Variants in MPDZ observed in about 807,000 individuals in gnomAD.
MPDZ encodes multiple PDZ domain protein.
A neutral mutation model predicts 239.1 loss-of-function variants in MPDZ; 234 were observed. The observed-to-expected ratio is 0.98, with a 90% CI of 0.88 to 1.09. The LOEUF (loss-of-function observed/expected upper bound fraction) is 1.09. MPDZ is among the 50% of genes least tolerant of loss of function. MPDZ has a pLI of 0.00. For missense variants in MPDZ, 3,175 were observed against 2,510.0 expected (o/e 1.26, Z -5.66); for synonymous variants, 1,048 against 881.3 (o/e 1.19, Z -3.35).
chr9:13,246,437 G>A (rs1966612203), intron 3 of MPDZ, among the ~76,000 whole-genome samples: 1 of 152,120 alleles, frequency 6.6e-6, no homozygotes, highest in Non-Finnish European at 1.5e-5. Flanking sequence ...ATGAGACTCT[G>A]TCTCAAAAAA....
intron 12 of MPDZ, among the ~76,000 whole-genome samples, chr9:13,201,285 T>C (rs1956356225): frequency 6.6e-6 from 1 of 152,102 alleles, no homozygotes; most frequent in African/African-American, 2.4e-5. Flanking sequence ...ATTACTTCGC[T>C]AGAAAGCAAT....
At chr9:13,179,652 G>C (rs1953008690) in intron 19 of MPDZ, among the ~76,000 whole-genome samples, 3 of 152,104 alleles carry the variant, frequency 2.0e-5, no homozygotes, top group African/African-American at 7.2e-5. Flanking sequence ...AGTGCAACTT[G>C]ATATCTAAAG....
chr9:13,148,535 A>C (rs764492612), intron 25 of MPDZ, among the ~76,000 whole-genome samples: 6 of 152,066 alleles, frequency 3.9e-5, no homozygotes, highest in Non-Finnish European at 7.4e-5. Flanking sequence ...GATTTAGATA[A>C]AAACCTCCCT....
chr9:13,210,563 G>A (rs972293356), intron 10 of MPDZ, among the ~76,000 whole-genome samples: 6 of 152,040 alleles, frequency 3.9e-5, no homozygotes, highest in Admixed American at 2.0e-4. Context: ...ATAAGGAAGA[G>A]GTTGTTTAGC....
intron 3 of MPDZ, among the ~76,000 whole-genome samples, chr9:13,226,267 T>C (rs188114359): frequency 1.3e-5 from 2 of 152,220 alleles, no homozygotes; most frequent in African/African-American, 2.4e-5. Flanking sequence ...CTATAATTAT[T>C]TGTGTGTGCC....
At chr9:13,122,991 C>A (rs1006619552) in intron 36 of MPDZ, among the ~76,000 whole-genome samples, 162 bp downstream of exon 36, 7 of 152,198 alleles carry the variant, frequency 4.6e-5, no homozygotes, top group African/African-American at 1.7e-4. Context: ...GAAACCTCCC[C>A]CGTATCCAAT....
intron 13 of MPDZ, among the ~76,000 whole-genome samples, chr9:13,194,450 A>G (rs911081884): frequency 9.9e-5 from 15 of 152,168 alleles, no homozygotes; most frequent in African/African-American, 3.6e-4. Flanking sequence ...ACAGGAACAG[A>G]AAACCAAACA....
At chr9:13,162,665 TG>T in intron 23 of MPDZ, 25 bp downstream of exon 23, 1 of 1,462,730 alleles carries the variant, frequency 6.8e-7, no homozygotes, top group Non-Finnish European at 9.5e-7. Flanking sequence ...TACCATTCAT[TG>T]TATTAGATTT....
At chr9:13,262,053 G>A (rs1321908264) in intron 1 of MPDZ, among the ~76,000 whole-genome samples, 1 of 149,800 alleles carries the variant, frequency 6.7e-6, no homozygotes. Context: ...CCTAGAAAAT[G>A]AAAATTAAAA....
chr9:13,203,660 CTTTAT>C lies in MPDZ; in HGVS notation c.1546+1371_1546+1375del, dbSNP rs557649327. 2.7e-5 allele frequency among the ~76,000 whole-genome samples: 4 copies of C among 150,038 alleles called. No homozygotes were observed. In the South Asian group the frequency reaches 6.5e-4, roughly 24 times the overall value. ...CATTAAAGTCACTTAGAAGTTTGTG[CTTTAT>C]TTTGTTTAAAAAAGATTCTGGGACT... On this transcript the variant is annotated intron_variant, in intron 12 of 46. Coordinates refer to ENST00000319217, the MANE Select transcript of MPDZ (RefSeq NM_001378778.1).
At chr9:13,204,544 T>C (rs1215993121) in intron 12 of MPDZ, among the ~76,000 whole-genome samples, 2 of 152,176 alleles carry the variant, frequency 1.3e-5, no homozygotes, top group African/African-American at 2.4e-5. Context: ...TCCAAACCAC[T>C]TCCCAATATT....
chr9:13,182,162 T>A (rs749408539), intron 19 of MPDZ, among the ~76,000 whole-genome samples: 37 of 152,164 alleles, frequency 2.4e-4, no homozygotes, highest in Non-Finnish European at 4.4e-4. Context: ...AACTTATTCA[T>A]AAATACCCCT....
In MPDZ at chr9:13,267,059, G is replaced by C. The variant is rs114733408; in HGVS notation, c.-58+12341C>G. ...TCATCACTGGAATGTCTAAAATGTA[G>C]GCTTGGTTGCAATACACAATTTAAA... On this transcript the variant is annotated intron_variant, in intron 1 of 46. Coordinates refer to ENST00000319217, the MANE Select transcript of MPDZ (RefSeq NM_001378778.1). 5.5e-3 allele frequency among the ~76,000 whole-genome samples: 838 copies of C among 152,226 alleles called. 10 individuals are homozygous for C. Among genetic ancestry groups the C allele is most frequent in the African/African-American group, 0.018 (757 of 41,548 alleles).
At chr9:13,267,819 G>A (rs370780005) in intron 1 of MPDZ, among the ~76,000 whole-genome samples, 6 of 152,154 alleles carry the variant, frequency 3.9e-5, no homozygotes, top group African/African-American at 9.7e-5. Context: ...CATTCACCAG[G>A]CTAACAGAAT....
rs900935958 is a variant in MPDZ, at chr9:13,123,170, C to T, written c.4936G>A (p.Gly1646Ser). ...RTGLGLSIVG[G>S]SDTLLGAIII... Reference sequence around the variant, plus strand: ...GTGCTCACCAGCAGCGTGTCTGAACCCCCAACGATGCTCAGGCCCAGCCCT... The same window carrying T: ...GTGCTCACCAGCAGCGTGTCTGAACTCCCAACGATGCTCAGGCCCAGCCCT... The change falls in exon 36 of 47, where the codon GGT becomes AGT. Residue 1646 changes from glycine to serine, a missense_variant. Gly to Ser is a moderately conservative substitution (Grantham distance 56, BLOSUM62 0). Transcript: ENST00000319217. 1 of 1,612,210 alleles carries T rather than the reference C, an allele frequency of 6.2e-7. No individual in the cohort carries two copies. The highest frequency in any genetic ancestry group is 1.3e-5 in the African/African-American group (1 of 74,834).
At chr9:13,162,926 T>C (rs917840077) in intron 22 of MPDZ, 131 bp from the exon 23 acceptor site, 31 of 595,306 alleles carry the variant, frequency 5.2e-5, no homozygotes, top group Non-Finnish European at 8.2e-5. Context: ...ACTCATTTAA[T>C]CAGTATATTC....
Position 13,109,052 on chromosome 9 carries a change from G to C in MPDZ, c.5950C>G (p.Gln1984Glu). The C allele has an allele frequency of 6.7e-7, 1 of 1,501,604 alleles. No individual in the cohort carries two copies. Among genetic ancestry groups the C allele is most frequent in the Non-Finnish European group, 8.9e-7 (1 of 1,119,750 alleles). The allele number at this position is 1,501,604 out of a possible 1,614,324, so 93.0% of individuals were successfully genotyped here. ...CGCTCTAGTGTAATAGACTTACATTGAGGAGGTCTACGGTGAAGGAAAGGA... is the reference window on the plus strand; with the variant it reads ...CGCTCTAGTGTAATAGACTTACATTCAGGAGGTCTACGGTGAAGGAAAGGA... ...SIFQDDLGPP[Q>E]CKSITLERGP... Residue 1984 changes from glutamine (Q) to glutamate (E), a missense_variant, in exon 46 of 47, where the codon CAA becomes GAA. Physicochemically the swap from Gln to Glu is conservative, Grantham distance 29 (BLOSUM62 2). Coordinates refer to ENST00000319217, the MANE Select transcript of MPDZ (RefSeq NM_001378778.1).
chr9:13,116,709 G>A (rs755942906), intron 39 of MPDZ, among the ~76,000 whole-genome samples: 17 of 152,104 alleles, frequency 1.1e-4, no homozygotes, highest in African/African-American at 4.1e-4. Flanking sequence ...AATATCAAGG[G>A]TTTTGATTAT....
intron 1 of MPDZ, among the ~76,000 whole-genome samples, chr9:13,252,482 C>G (rs1295998331): frequency 6.7e-6 from 1 of 149,638 alleles, no homozygotes; most frequent in Non-Finnish European, 1.5e-5. Context: ...AGGAGAATCA[C>G]TTGAACCAGG....
Sources: gnomAD v4.1 joint callset for allele counts (sites outside exome capture counted in the v4.1 genomes callset) on GRCh38, gnomAD v4.1.1 for gene constraint, MANE v1.5 for transcripts, NCBI Gene and HGNC (gene_info 2026-07-23, HGNC 2026-07-21) for gene names.